TRIP12: variants seen among roughly 807,000 people sequenced by gnomAD.
TRIP12 encodes the protein E3 ubiquitin-protein ligase TRIP12.
A neutral mutation model predicts 244.2 loss-of-function variants in TRIP12; 25 were observed. That is an observed-to-expected ratio of 0.10 (90% confidence interval 0.07 to 0.14). TRIP12 has a LOEUF of 0.14. Ranked by LOEUF, TRIP12 falls within the 10% of genes least tolerant of loss-of-function variation. The probability of loss-of-function intolerance (pLI) is 1.00; values close to 1 mark genes in which losing one functional copy is unlikely to be tolerated. For missense variants in TRIP12, 1,677 were observed against 2,486.4 expected (o/e 0.67, Z 6.92); for synonymous variants, 905 against 873.1 (o/e 1.04, Z -0.64).
chr2:229,891,256 AC>A (rs2067284557), intron 1 of TRIP12, among the ~76,000 whole-genome samples: 1 of 150,904 alleles, frequency 6.6e-6, no homozygotes, highest in African/African-American at 2.4e-5. Context: ...CCCCCTCTCT[AC>A]CAAAAAAAAA....
chr2:229,876,350 T>G (rs1003561510), intron 2 of TRIP12, among the ~76,000 whole-genome samples: 1 of 152,174 alleles, frequency 6.6e-6, no homozygotes, highest in Non-Finnish European at 1.5e-5. Context: ...AGTCTTGACA[T>G]TTTATTATGA....
chr2:229,799,522 A>T, intron 21 of TRIP12, 139 bp from the exon 22 acceptor site: 1 of 702,136 alleles, frequency 1.4e-6, no homozygotes, highest in Non-Finnish European at 2.5e-6. Context: ...CACGCCTGTA[A>T]TCCCAGCACT....
chr2:229,819,430 A>G (rs1365838082), intron 8 of TRIP12, among the ~76,000 whole-genome samples: 1 of 152,210 alleles, frequency 6.6e-6, no homozygotes, highest in Non-Finnish European at 1.5e-5. Context: ...CTGTAGTCCC[A>G]GATACGCAGG....
chr2:229,842,060 G>A (rs1237330549), intron 4 of TRIP12, among the ~76,000 whole-genome samples: 1 of 152,118 alleles, frequency 6.6e-6, no homozygotes, highest in Non-Finnish European at 1.5e-5. Flanking sequence ...AAGCTATAAA[G>A]ATAAAAATCT....
At chr2:229,822,031 G>A (rs531999829) in intron 8 of TRIP12, among the ~76,000 whole-genome samples, 15 of 152,238 alleles carry the variant, frequency 9.9e-5, no homozygotes, top group Non-Finnish European at 1.5e-4. Flanking sequence ...TCCCAGATAC[G>A]TGGGAGGCTG....
Position 229,808,275 on chromosome 2 carries a change from C to T in TRIP12, c.2316G>A (p.Leu772=), listed in dbSNP as rs1361665255. 1.2e-6 allele frequency: 2 copies of T among 1,613,642 alleles called. No individual in the cohort carries two copies. The highest frequency in any genetic ancestry group is 1.7e-5 in the Admixed American group (1 of 60,004). The stretch of plus-strand genomic sequence containing the variant: ...ACCAAATCAGAGATGTCAGTTCATA[C>T]AACTCTTGAGGGCTTCGTGGAACAA... The part of the protein sequence containing the change: ...IDLVPRSPQE[L]YELTSLICEL... Residue 772 remains leucine (L), a synonymous_variant, in exon 16 of 42, where the codon TTG becomes TTA. Coordinates refer to ENST00000675903, the MANE Select transcript of TRIP12 (RefSeq NM_001348323.3).
At chr2:229,854,156 A>G (rs2059214741) in intron 4 of TRIP12, among the ~76,000 whole-genome samples, 1 of 152,156 alleles carries the variant, frequency 6.6e-6, no homozygotes, top group Non-Finnish European at 1.5e-5. Context: ...CAAATAATGT[A>G]TATTACAGCC....
chr2:229,896,178 A>G (rs1318704213), intron 1 of TRIP12, among the ~76,000 whole-genome samples: 1 of 152,148 alleles, frequency 6.6e-6, no homozygotes, highest in Admixed American at 6.5e-5. Flanking sequence ...ATAGAGTAAG[A>G]TTCAAAAAAA....
At chr2:229,893,300 G>T (rs2067855126) in intron 1 of TRIP12, among the ~76,000 whole-genome samples, 1 of 152,112 alleles carries the variant, frequency 6.6e-6, no homozygotes, top group Admixed American at 6.5e-5. Flanking sequence ...TTTGCTTCAT[G>T]TTTTCAGTTA....
rs763522935 is a variant in TRIP12 at position 229,836,830 on chromosome 2, TAAG to T, written c.1270+15_1270+17del. ...AAAAGACAGAAACGCATTTTAAAGC[TAAG>T]AAGTACCAATCTACCTGCAGCTCCT... On this transcript the variant is annotated intron_variant, in intron 6 of 41. Coordinates refer to ENST00000675903, the MANE Select transcript of TRIP12 (RefSeq NM_001348323.3). The T allele has an allele frequency of 3.2e-6, 5 of 1,583,306 alleles. No individual in the cohort carries two copies. The East Asian group carries it at 7.2e-5, about 23-fold the overall frequency.
chr2:229,868,443 T>C (rs1323492420), intron 2 of TRIP12, among the ~76,000 whole-genome samples: 1 of 152,180 alleles, frequency 6.6e-6, no homozygotes, highest in Non-Finnish European at 1.5e-5. Context: ...GCTCAAACGA[T>C]CTGCCTGCTT....
At chr2:229,804,449 C>A (rs1346982639) in intron 18 of TRIP12, among the ~76,000 whole-genome samples, 3 of 152,238 alleles carry the variant, frequency 2.0e-5, no homozygotes, top group African/African-American at 7.2e-5. Context: ...AAACTAGTGA[C>A]CCATTGGGGC....
At chr2:229,791,538 C>A (rs532214118) in intron 29 of TRIP12, among the ~76,000 whole-genome samples, 1 of 152,352 alleles carries the variant, frequency 6.6e-6, no homozygotes, top group Non-Finnish European at 1.5e-5. Flanking sequence ...CCAAATCCCT[C>A]TTAAGGACTC....
chr2:229,814,201 G>A, intron 12 of TRIP12, 32 bp downstream of exon 12: 5 of 1,600,824 alleles, frequency 3.1e-6, no homozygotes, highest in Non-Finnish European at 4.3e-6. Context: ...TACATAAAGT[G>A]AAATGTAGTC....
chr2:229,900,486 G>A (rs1255844027), intron 1 of TRIP12, among the ~76,000 whole-genome samples: 2 of 152,158 alleles, frequency 1.3e-5, no homozygotes, highest in Non-Finnish European at 2.9e-5. Context: ...TACTACAGAT[G>A]ATTAAGATAT....
intron 1 of TRIP12, among the ~76,000 whole-genome samples, chr2:229,901,295 T>C (rs1312980464): frequency 6.6e-6 from 1 of 151,964 alleles, no homozygotes; most frequent in Non-Finnish European, 1.5e-5. Flanking sequence ...TTCAAAAGTA[T>C]TACATAATAA....
At chr2:229,776,712 A>T (rs2036371480) in intron 37 of TRIP12, among the ~76,000 whole-genome samples, 1 of 152,188 alleles carries the variant, frequency 6.6e-6, no homozygotes, top group Non-Finnish European at 1.5e-5. Flanking sequence ...AAAAAAATAG[A>T]ATCTTGTTTT....
chr2:229,883,186 T>C (rs542125444), intron 1 of TRIP12, among the ~76,000 whole-genome samples: 6 of 152,292 alleles, frequency 3.9e-5, no homozygotes, highest in Admixed American at 6.5e-5. Flanking sequence ...AAGTAATTTG[T>C]TGAAGAACCA....
intron 2 of TRIP12, among the ~76,000 whole-genome samples, chr2:229,870,899 C>T (rs1430130332): frequency 2.6e-5 from 4 of 152,122 alleles, no homozygotes; most frequent in Non-Finnish European, 5.9e-5. Context: ...TCCGGCTAGA[C>T]ACGGTGGCTC....
Sources: gnomAD v4.1 joint callset for allele counts (sites outside exome capture counted in the v4.1 genomes callset) on GRCh38, gnomAD v4.1.1 for gene constraint, MANE v1.5 for transcripts, NCBI Gene and HGNC (gene_info 2026-07-23, HGNC 2026-07-21) for gene names.